Variants in CLIP4 observed in about 807,000 individuals in gnomAD.
CLIP4 encodes the protein CAP-Gly domain-containing linker protein 4.
A neutral mutation model predicts 73.1 loss-of-function variants in CLIP4; 47 were observed. The ratio of observed to expected loss-of-function variants is 0.64; its 90% CI spans 0.51 to 0.82. The LOEUF (loss-of-function observed/expected upper bound fraction) is 0.82. Among genes scored for constraint, CLIP4 ranks in the 40% least tolerant of loss-of-function variants. The pLI is 0.00. For synonymous variants in CLIP4, 306 were observed against 295.4 expected, an observed-to-expected ratio of 1.04 and a Z score of -0.37; for missense variants, 874 against 852.9, an observed-to-expected ratio of 1.02 and a Z score of -0.31.
intron 15 of CLIP4, among the ~76,000 whole-genome samples, chr2:29,175,982 C>G (rs559294886): frequency 3.3e-5 from 5 of 152,146 alleles, no homozygotes; most frequent in Non-Finnish European, 5.9e-5. Context: ...AGGATGGTCT[C>G]GATCTCCTGA....
intron 8 of CLIP4, among the ~76,000 whole-genome samples, chr2:29,152,145 G>T (rs995424469): frequency 6.6e-6 from 1 of 152,186 alleles, no homozygotes; most frequent in African/African-American, 2.4e-5. Flanking sequence ...AAAGGTGTTA[G>T]TCTGGAAGAG....
In CLIP4 at chr2:29,182,733, GACTT is replaced by G. The variant is rs1004056749; in HGVS notation, c.*846_*849del. ...GTAATAATTAGATTTTTTTTGCACA[GACTT>G]ACTTAACTTCCTTATTGGATATGTT... On this transcript the variant is annotated 3_prime_UTR_variant, in exon 16 of 16. Transcript: ENST00000320081. 6.6e-6 allele frequency: 1 copy of G among 152,514 alleles called. No homozygotes were observed. Among genetic ancestry groups the G allele is most frequent in the Non-Finnish European group, 1.5e-5 (1 of 68,014 alleles). The allele number at this position is 152,514 out of a possible 1,614,324, so 9.4% of individuals were successfully genotyped here.
chr2:29,167,717 C>A, intron 14 of CLIP4, 177 bp downstream of exon 14: 1 of 462,936 alleles, frequency 2.2e-6, no homozygotes, highest in Non-Finnish European at 3.8e-6. Context: ...GATAACCTGA[C>A]CTGTAGAAAC....
chr2:29,098,448 T>C (rs1572843179), intron 1 of CLIP4, among the ~76,000 whole-genome samples: 3 of 152,266 alleles, frequency 2.0e-5, no homozygotes, highest in African/African-American at 7.2e-5. Flanking sequence ...CTGATCATTT[T>C]ACGGTCTCCA....
rs181298805 is a variant in CLIP4, at chr2:29,170,293, T to C, written c.1723+2753T>C. 1.4e-4 allele frequency among the ~76,000 whole-genome samples: 21 copies of C among 152,344 alleles called. No homozygotes were observed. The East Asian group carries it at 4.0e-3, about 29-fold the overall frequency. On this transcript the variant is annotated intron_variant, in intron 14 of 15. Transcript: ENST00000320081. ...TACCAGCAGTGGAATTGCTGGATTA[T>C]ATGATAGTTCTATTTTTAGTTTTTT...
chr2:29,136,855 C>A (rs942259029), intron 6 of CLIP4, among the ~76,000 whole-genome samples: 1 of 151,434 alleles, frequency 6.6e-6, no homozygotes, highest in Non-Finnish European at 1.5e-5. Context: ...GGACAATGTT[C>A]TGAATTTGTT....
chr2:29,137,452 C>G (rs754867586), intron 6 of CLIP4, among the ~76,000 whole-genome samples: 2 of 152,076 alleles, frequency 1.3e-5, no homozygotes, highest in Non-Finnish European at 2.9e-5. Context: ...GATTCCATGG[C>G]TTTGCTATTA....
intron 6 of CLIP4, among the ~76,000 whole-genome samples, chr2:29,138,818 G>A (rs1040397209): frequency 6.6e-6 from 1 of 152,058 alleles, no homozygotes; most frequent in African/African-American, 2.4e-5. Flanking sequence ...TTGGTGTATA[G>A]AAATGCTACT....
Position 29,167,522 on chromosome 2 carries a change from C to T in CLIP4, c.1705C>T (p.Gln569Ter), listed in dbSNP as rs780704328. Residue 569 changes from glutamine to a stop codon, truncating the protein, a stop_gained, in exon 14 of 16, where the codon CAG (glutamine) becomes TAG (stop). Transcript: ENST00000320081. LOFTEE classifies it high-confidence loss of function. ...CCTTTCAGAAATTTCTTCAAATAAA[C>T]AGAACCATTCTTATCCTGGTAAGAC... ...DTLSEISSNK[Q>*]NHSYPGFRRS... is the part of the protein sequence containing the mutation. 1.2e-6 allele frequency: 2 copies of T among 1,607,654 alleles called. No individual in the cohort carries two copies. The highest frequency in any genetic ancestry group is 1.7e-6 in the Non-Finnish European group (2 of 1,176,918).
At chr2:29,163,715 C>T in intron 12 of CLIP4, 116 bp from the exon 13 acceptor site, 1 of 914,960 alleles carries the variant, frequency 1.1e-6, no homozygotes, top group Non-Finnish European at 1.6e-6. Flanking sequence ...TCATGATCTT[C>T]CCTCATTTTG....
chr2:29,141,750 C>CT (rs934051046), intron 6 of CLIP4, among the ~76,000 whole-genome samples: 2 of 150,918 alleles, frequency 1.3e-5, no homozygotes, highest in Non-Finnish European at 3.0e-5. Flanking sequence ...GACAAGTCTT[C>CT]TTTTTTTTTA....
chr2:29,166,544 C>G (rs927767665), intron 13 of CLIP4, among the ~76,000 whole-genome samples: 2 of 151,704 alleles, frequency 1.3e-5, no homozygotes, highest in African/African-American at 4.8e-5. Context: ...CACACACACA[C>G]ACACACACAC....
chr2:29,122,500 G>T (rs1430101265), intron 2 of CLIP4, among the ~76,000 whole-genome samples: 1 of 151,922 alleles, frequency 6.6e-6, no homozygotes, highest in Admixed American at 6.6e-5. Flanking sequence ...GTAGCGCTTT[G>T]GGATGGAGAA....
chr2:29,125,186 C>T (rs868344436), intron 2 of CLIP4, among the ~76,000 whole-genome samples: 12 of 152,136 alleles, frequency 7.9e-5, no homozygotes, highest in African/African-American at 2.2e-4. Flanking sequence ...CCCCTGGCTA[C>T]GGACTGGTAC....
intron 14 of CLIP4, among the ~76,000 whole-genome samples, chr2:29,172,958 T>C (rs1170327805): frequency 1.3e-5 from 2 of 152,252 alleles, no homozygotes; most frequent in South Asian, 2.1e-4. Flanking sequence ...TTTATGTCTT[T>C]AAATATTTAA....
At chr2:29,134,989 G>A (rs1205530819) in intron 5 of CLIP4, among the ~76,000 whole-genome samples, 1 of 152,106 alleles carries the variant, frequency 6.6e-6, no homozygotes, top group Non-Finnish European at 1.5e-5. Flanking sequence ...TAAAGGGCCA[G>A]CTACTAAATA....
At chr2:29,119,871 C>T (rs937500316) in intron 1 of CLIP4, among the ~76,000 whole-genome samples, 1 of 152,186 alleles carries the variant, frequency 6.6e-6, no homozygotes, top group African/African-American at 2.4e-5. Context: ...GAGCAGATCC[C>T]ATTCTGCCTC....
chr2:29,163,828 T>C lies in CLIP4; in HGVS notation c.1535-3T>C. On this transcript the variant is annotated splice_polypyrimidine_tract_variant and splice_region_variant and intron_variant, in intron 12 of 15. Coordinates refer to ENST00000320081, the MANE Select transcript of CLIP4 (RefSeq NM_024692.6). Reference sequence around the variant, plus strand: ...CTTTTGAAATGCAATATTCATGTTCTAGGATATTGGTATGGTATAGAGCTT... The same window carrying C: ...CTTTTGAAATGCAATATTCATGTTCCAGGATATTGGTATGGTATAGAGCTT... 6.2e-7 allele frequency: 1 copy of C among 1,610,540 alleles called. No homozygotes were observed. The highest frequency in any genetic ancestry group is 8.5e-7 in the Non-Finnish European group (1 of 1,178,688).
chr2:29,179,996 T>C (rs1024634091), intron 15 of CLIP4, among the ~76,000 whole-genome samples: 1 of 152,180 alleles, frequency 6.6e-6, no homozygotes, highest in Non-Finnish European at 1.5e-5. Flanking sequence ...GAGTGGTTAA[T>C]AGGAACAAAT....
Sources: gnomAD v4.1 joint callset for allele counts (sites outside exome capture counted in the v4.1 genomes callset) on GRCh38, gnomAD v4.1.1 for gene constraint, MANE v1.5 for transcripts, NCBI Gene and HGNC (gene_info 2026-07-23, HGNC 2026-07-21) for gene names.